The following LIN7A variants were observed in gnomAD, a reference collection of about 807,000 sequenced individuals.
LIN7A encodes the protein protein lin-7 homolog A.
In LIN7A, 25 loss-of-function variants were observed where a neutral mutation model predicts 29.8. The observed-to-expected ratio is 0.84, with a 90% CI of 0.61 to 1.17. LIN7A has a LOEUF of 1.17. Ranked by LOEUF, LIN7A falls within the 50% of genes most tolerant of loss-of-function variation. The pLI is 0.00. For missense variants in LIN7A, 239 were observed against 287.0 expected, an observed-to-expected ratio of 0.83 and a Z score of 1.21; for synonymous variants, 118 against 107.5, an observed-to-expected ratio of 1.10 and a Z score of -0.60.
chr12:80,936,245 C>T (rs1878210555), intron 1 of LIN7A, among the ~76,000 whole-genome samples: 1 of 152,166 alleles, frequency 6.6e-6, no homozygotes, highest in Non-Finnish European at 1.5e-5. Context: ...TGCCAGCTTA[C>T]AAATCAACAT....
intron 5 of LIN7A, among the ~76,000 whole-genome samples, chr12:80,804,969 T>C (rs1870907907): frequency 6.6e-6 from 1 of 152,202 alleles, no homozygotes. Context: ...TTGGCTAATG[T>C]GAACAGAGCT....
intron 4 of LIN7A, among the ~76,000 whole-genome samples, chr12:80,828,801 G>T (rs12426332): frequency 0.098 from 14,848 of 151,166 alleles, 773 homozygotes; most frequent in East Asian, 0.18. Context: ...ATAAATGTGG[G>T]GTGTGTGTGT....
At chr12:80,834,176 A>T (rs972568732) in intron 4 of LIN7A, among the ~76,000 whole-genome samples, 1 of 152,216 alleles carries the variant, frequency 6.6e-6, no homozygotes, top group Non-Finnish European at 1.5e-5. Context: ...TATAGTGATT[A>T]GTTCAGAATG....
At chr12:80,917,936 G>A (rs1289662557) in intron 1 of LIN7A, among the ~76,000 whole-genome samples, 3 of 152,202 alleles carry the variant, frequency 2.0e-5, no homozygotes, top group African/African-American at 4.8e-5. Context: ...TTTCTTCTAT[G>A]AGAAACCAGT....
At chr12:80,905,991 A>T (rs1004366063) in intron 1 of LIN7A, among the ~76,000 whole-genome samples, 1 of 152,100 alleles carries the variant, frequency 6.6e-6, no homozygotes, top group African/African-American at 2.4e-5. Context: ...AAGTTCTTTC[A>T]TAAAGATGGG....
chr12:80,902,081 A>G (rs1201067252), intron 1 of LIN7A, among the ~76,000 whole-genome samples: 2 of 152,078 alleles, frequency 1.3e-5, no homozygotes, highest in Non-Finnish European at 2.9e-5. Context: ...ATGACTACCC[A>G]GTTATACCCA....
intron 4 of LIN7A, chr12:80,832,487 A>C (rs1020821298): frequency 2.1e-6 from 1 of 467,682 alleles, no homozygotes; most frequent in Non-Finnish European, 4.4e-6. Flanking sequence ...TCCACACAGA[A>C]CATTCAATTG....
At chr12:80,937,580 G>T in intron 1 of LIN7A, 61 bp downstream of exon 1, 2 of 1,236,700 alleles carry the variant, frequency 1.6e-6, no homozygotes, top group Non-Finnish European at 2.2e-6. Context: ...GGAATTGGCA[G>T]GCGGGGAAGG....
chr12:80,876,755 A>C (rs1874723358), intron 2 of LIN7A, among the ~76,000 whole-genome samples: 1 of 152,188 alleles, frequency 6.6e-6, no homozygotes, highest in South Asian at 2.1e-4. Flanking sequence ...ATGGATCCAC[A>C]ATTATACATT....
intron 5 of LIN7A, among the ~76,000 whole-genome samples, chr12:80,804,442 T>C (rs1870873882): frequency 6.6e-6 from 1 of 152,160 alleles, no homozygotes; most frequent in Non-Finnish European, 1.5e-5. Flanking sequence ...CTTTGATTTT[T>C]AGTTCCCACA....
intron 1 of LIN7A, among the ~76,000 whole-genome samples, chr12:80,933,068 T>C (rs11615657): frequency 0.062 from 9,454 of 152,250 alleles, 328 homozygotes; most frequent in Middle Eastern, 0.088. Context: ...TAACATAAAA[T>C]ATTGGACTAA....
intron 1 of LIN7A, among the ~76,000 whole-genome samples, chr12:80,914,400 T>G (rs1007178501): frequency 6.6e-6 from 1 of 152,146 alleles, no homozygotes; most frequent in African/African-American, 2.4e-5. Flanking sequence ...TCCAATAAAC[T>G]CTCTCAGAGT....
At chr12:80,865,756 A>G (rs1053153609) in intron 2 of LIN7A, among the ~76,000 whole-genome samples, 7 of 152,218 alleles carry the variant, frequency 4.6e-5, no homozygotes. Flanking sequence ...GGAGAGGTAG[A>G]TGATGATAAG....
chr12:80,822,120 T>C (rs757244366), intron 4 of LIN7A, among the ~76,000 whole-genome samples: 1 of 152,104 alleles, frequency 6.6e-6, no homozygotes. Context: ...CAGTTCCACA[T>C]AGCTGGGGAG....
At chr12:80,861,725 C>A (rs1033240711) in intron 2 of LIN7A, among the ~76,000 whole-genome samples, 3 of 152,216 alleles carry the variant, frequency 2.0e-5, no homozygotes, top group Non-Finnish European at 2.9e-5. Context: ...AACCTGCAGA[C>A]AATCTCACAT....
At chr12:80,820,648 C>T (rs992668467) in intron 4 of LIN7A, among the ~76,000 whole-genome samples, 3 of 152,024 alleles carry the variant, frequency 2.0e-5, no homozygotes, top group African/African-American at 7.2e-5. Context: ...CACACACACA[C>T]ACACACACAC....
At chr12:80,912,707 T>G (rs1876818758) in intron 1 of LIN7A, among the ~76,000 whole-genome samples, 1 of 110,148 alleles carries the variant, frequency 9.1e-6, no homozygotes, top group African/African-American at 3.5e-5. Flanking sequence ...AGACTGAGAC[T>G]TGTCTCAAAA....
intron 4 of LIN7A, among the ~76,000 whole-genome samples, chr12:80,818,329 T>A (rs1871633789): frequency 6.6e-6 from 1 of 152,166 alleles, no homozygotes; most frequent in Non-Finnish European, 1.5e-5. Context: ...CATGCATGTG[T>A]GTATATGTAT....
intron 2 of LIN7A, among the ~76,000 whole-genome samples, chr12:80,881,788 T>A (rs1282569573): frequency 6.6e-6 from 1 of 152,190 alleles, no homozygotes. Flanking sequence ...GGAAGTTTCC[T>A]GTATTACAAA....
Sources: gnomAD v4.1 joint callset for allele counts (sites outside exome capture counted in the v4.1 genomes callset) on GRCh38, gnomAD v4.1.1 for gene constraint, MANE v1.5 for transcripts, NCBI Gene and HGNC (gene_info 2026-07-23, HGNC 2026-07-21) for gene names.